The following FCRL5 variants were observed in gnomAD, a reference collection of about 807,000 sequenced individuals.
FCRL5 encodes the protein Fc receptor like 5.
FCRL5 carries 79 observed loss-of-function variants against 92.1 expected under a neutral mutation model. The observed-to-expected ratio is 0.86, with a 90% CI of 0.72 to 1.03. The LOEUF is 1.03. Ranked by LOEUF, FCRL5 falls within the 50% of genes least tolerant of loss-of-function variation. The pLI, the probability that FCRL5 is intolerant of heterozygous loss-of-function variation, is 0.00. For synonymous variants in FCRL5, 466 were observed against 469.3 expected, an observed-to-expected ratio of 0.99 and a Z score of 0.09; for missense variants, 1,160 against 1,181.1, an observed-to-expected ratio of 0.98 and a Z score of 0.26.
At chr1:157,532,632 A>G (rs988603897) in intron 8 of FCRL5, 5 of 151,962 alleles carry the variant, frequency 3.3e-5, no homozygotes, top group African/African-American at 9.7e-5. Flanking sequence ...CTTTGTTTCT[A>G]TATCTAAATC....
intron 3 of FCRL5, chr1:157,546,051 T>TA (rs1651518846): frequency 5.2e-6 from 1 of 192,372 alleles, no homozygotes; most frequent in African/African-American, 2.3e-5. Flanking sequence ...TCTCTTCCTT[T>TA]ATCTTTCTTT....
intron 1 of FCRL5, 25 bp from the exon 2 acceptor site, chr1:157,549,605 T>C: frequency 6.2e-7 from 1 of 1,610,466 alleles, no homozygotes; most frequent in Non-Finnish European, 8.5e-7. Flanking sequence ...GAGCCAGAGA[T>C]GAGCACAGAA....
At chr1:157,519,884 A>G (rs912746648) in intron 12 of FCRL5, 114 bp from the exon 13 acceptor site, 6 of 1,110,470 alleles carry the variant, frequency 5.4e-6, no homozygotes, top group Admixed American at 1.9e-5. Context: ...TGAAGGTTGA[A>G]TCCTTCTTTG....
rs1388985841 is a variant in FCRL5 at position 157,513,570 on chromosome 1, T to C, written c.*2105A>G. The C allele has an allele frequency of 6.6e-6, 1 of 152,210 alleles. No homozygotes were observed. The highest frequency in any genetic ancestry group is 1.5e-5 in the Non-Finnish European group (1 of 68,044). 9.4% of individuals were successfully genotyped at this position (152,210 alleles called of 1,614,324 possible). A position where few individuals can be genotyped will look rare whatever the true frequency, so the allele number is the denominator to read the frequency against. ...GCGTCTGAAAGCAGAAAAACTTATG[T>C]CCCAGCCCAAAGCAGGAGTTCCCCC... On this transcript the variant is annotated 3_prime_UTR_variant, in exon 17 of 17. Transcript: ENST00000361835.
intron 8 of FCRL5, 29 bp from the exon 9 acceptor site, chr1:157,527,924 T>C (rs769740973): frequency 3.3e-6 from 5 of 1,514,016 alleles, no homozygotes; most frequent in Non-Finnish European, 4.4e-6. Flanking sequence ...TAGGGACACA[T>C]GTATTTTTAA....
At chr1:157,520,610 G>A in intron 11 of FCRL5, 63 bp from the exon 12 acceptor site, 3 of 1,294,644 alleles carry the variant, frequency 2.3e-6, no homozygotes, top group South Asian at 1.3e-5. Flanking sequence ...GCCCGCTCCC[G>A]GAAGCTGCTG....
chr1:157,529,125 C>T (rs1346627659), intron 8 of FCRL5, among the ~76,000 whole-genome samples: 1 of 152,092 alleles, frequency 6.6e-6, no homozygotes, highest in East Asian at 1.9e-4. Flanking sequence ...AAAAAACAAT[C>T]ACATCAAAAA....
intron 10 of FCRL5, among the ~76,000 whole-genome samples, chr1:157,523,307 T>C (rs907073489): frequency 6.6e-6 from 1 of 152,234 alleles, no homozygotes; most frequent in Non-Finnish European, 1.5e-5. Context: ...TACTTTTGCA[T>C]ATCTCCTTCT....
chr1:157,528,991 A>G (rs1469763256), intron 8 of FCRL5, among the ~76,000 whole-genome samples: 1 of 152,252 alleles, frequency 6.6e-6, no homozygotes. Context: ...GCTTCTGCAC[A>G]GCAAAAGAAA....
At chr1:157,516,053 T>C (rs970218791) in intron 15 of FCRL5, 180 bp from the exon 16 acceptor site, 2 of 697,424 alleles carry the variant, frequency 2.9e-6, no homozygotes, top group African/African-American at 1.8e-5. Context: ...CCTCAGCCTC[T>C]CAGCACTGAC....
At chr1:157,520,590 GTCTGGAACTGCCCGCTCCCGGAAGCTGC>G in intron 11 of FCRL5, 43 bp from the exon 12 acceptor site, 1 of 1,472,270 alleles carries the variant, frequency 6.8e-7, no homozygotes, top group East Asian at 2.4e-5. Flanking sequence ...AGAGGCTGTG[GTCTGGAACTGCCCGCTCCCGGAAGCTGC>G]TGCCTGGGCC....
Position 157,514,821 on chromosome 1 carries a change from T to G in FCRL5, c.*854A>C, listed in dbSNP as rs1383358344. ...GGGAAGCCAGAATACCTCCCGGATT[T>G]CCTAGGGAGTGCACTGGATTTTATG... On this transcript the variant is annotated 3_prime_UTR_variant, in exon 17 of 17. Coordinates refer to ENST00000361835, the MANE Select transcript of FCRL5 (RefSeq NM_031281.3). 1.3e-5 allele frequency: 2 copies of G among 152,234 alleles called. No individual in the cohort carries two copies. The highest frequency in any genetic ancestry group is 2.9e-5 in the Non-Finnish European group (2 of 68,036). The allele number at this position is 152,234 out of a possible 1,614,324, so 9.4% of individuals were successfully genotyped here. A position where few individuals can be genotyped will look rare whatever the true frequency, so the allele number is the denominator to read the frequency against.
intron 11 of FCRL5, among the ~76,000 whole-genome samples, chr1:157,520,793 C>A (rs568853724): frequency 6.6e-6 from 1 of 152,352 alleles, no homozygotes; most frequent in East Asian, 1.9e-4. Context: ...AGGTGAGGAC[C>A]TCTAAAGTCA....
At chr1:157,516,901 T>C (rs1247350825) in intron 15 of FCRL5, among the ~76,000 whole-genome samples, 1 of 152,102 alleles carries the variant, frequency 6.6e-6, no homozygotes, top group East Asian at 1.9e-4. Context: ...AAAATGGGAG[T>C]AGTAACAGCG....
intron 9 of FCRL5, 75 bp from the exon 10 acceptor site, chr1:157,524,632 G>A (rs1165097643): frequency 2.1e-6 from 3 of 1,454,246 alleles, no homozygotes; most frequent in African/African-American, 2.8e-5. Context: ...CATTTCAAAT[G>A]GAAGAATGTT....
chr1:157,548,943 C>A (rs1651683566), intron 2 of FCRL5, among the ~76,000 whole-genome samples: 1 of 152,082 alleles, frequency 6.6e-6, no homozygotes, highest in Non-Finnish European at 1.5e-5. Context: ...AGGTATATAA[C>A]CAATGGACTA....
At chr1:157,541,582 C>T (rs928840568) in intron 6 of FCRL5, among the ~76,000 whole-genome samples, 1 of 152,170 alleles carries the variant, frequency 6.6e-6, no homozygotes, top group Non-Finnish European at 1.5e-5. Flanking sequence ...GAAATGTTCC[C>T]ACTCATCCTC....
intron 13 of FCRL5, chr1:157,518,999 G>A (rs1022529271): frequency 1.4e-5 from 6 of 430,422 alleles, no homozygotes; most frequent in Admixed American, 1.2e-4. Context: ...CAGGCATGGT[G>A]CTGATGCTTA....
In FCRL5 at chr1:157,539,375, GAA is replaced by G. The variant is rs1651140737; in HGVS notation, c.1124-13_1124-12del. The G allele has an allele frequency of 6.3e-7, 1 of 1,575,270 alleles. No homozygotes were observed. Among genetic ancestry groups the G allele is most frequent in the Non-Finnish European group, 8.6e-7 (1 of 1,160,756 alleles). On this transcript the variant is annotated splice_polypyrimidine_tract_variant and intron_variant, in intron 6 of 16. Transcript: ENST00000361835. ...GATGAGACACGGGAACTGAGAGAGA[GAA>G]AAAATTAGTCAAGATTTGTTTCTGC...
Sources: gnomAD v4.1 joint callset for allele counts (sites outside exome capture counted in the v4.1 genomes callset) on GRCh38, gnomAD v4.1.1 for gene constraint, MANE v1.5 for transcripts, NCBI Gene and HGNC (gene_info 2026-07-23, HGNC 2026-07-21) for gene names.